ABLIM1: variants seen among roughly 807,000 people sequenced by gnomAD.
ABLIM1 encodes actin-binding LIM protein 1.
ABLIM1 carries 40 observed loss-of-function variants against 107.0 expected under a neutral mutation model. The observed-to-expected ratio is 0.37, with a 90% CI of 0.29 to 0.49. ABLIM1 has a LOEUF of 0.49. Among genes scored for constraint, ABLIM1 ranks in the 20% least tolerant of loss-of-function variants. ABLIM1 has a pLI of 0.97. For missense variants in ABLIM1, 857 were observed against 1,008.5 expected (o/e 0.85, Z 2.04); for synonymous variants, 357 against 357.3 (o/e 1.00, Z 0.01).
chr10:114,700,491 A>AACACACACAC (rs149691121), intron 1 of ABLIM1, among the ~76,000 whole-genome samples: 22 of 148,550 alleles, frequency 1.5e-4, no homozygotes, highest in African/African-American at 4.2e-4. Flanking sequence ...AAACAATTAA[A>AACACACACAC]ACACACACAC....
chr10:114,439,411 G>C (rs2059887160), intron 20 of ABLIM1, 161 bp from the exon 21 acceptor site: 2 of 762,770 alleles, frequency 2.6e-6, no homozygotes, highest in Non-Finnish European at 2.2e-6. Context: ...GATCCTTGCT[G>C]TATAGGAACA....
intron 6 of ABLIM1, among the ~76,000 whole-genome samples, chr10:114,529,798 G>A (rs1008514001): frequency 6.6e-5 from 10 of 152,078 alleles, no homozygotes; most frequent in African/African-American, 2.4e-4. Context: ...AGGCTGAGGC[G>A]GGTGGATCAC....
intron 6 of ABLIM1, among the ~76,000 whole-genome samples, chr10:114,510,659 T>A (rs28607375): frequency 7.9e-4 from 27 of 34,116 alleles, no homozygotes; most frequent in East Asian, 6.4e-3. Context: ...TTTTATTATT[T>A]TTTTTTTTGA....
chr10:114,753,430 T>C (rs1421781591), intron 1 of ABLIM1, among the ~76,000 whole-genome samples: 1 of 152,208 alleles, frequency 6.6e-6, no homozygotes, highest in African/African-American at 2.4e-5. Context: ...AGTGCAGCAT[T>C]GTCTATAAAA....
chr10:114,775,284 T>A, the ABLIM1 span, among the ~76,000 whole-genome samples: 1 of 152,114 alleles, frequency 6.6e-6, no homozygotes, highest in Admixed American at 6.5e-5. Context: ...GGGATTACAA[T>A]TCGAGATGAG....
At chr10:114,497,031 GAT>G (rs1416393187) in intron 6 of ABLIM1, among the ~76,000 whole-genome samples, 1 of 152,238 alleles carries the variant, frequency 6.6e-6, no homozygotes, top group African/African-American at 2.4e-5. Flanking sequence ...CCAAAAATCA[GAT>G]GTTGCTGAAT....
chr10:114,658,416 G>T, upstream of ABLIM1: 1 of 757,768 alleles, frequency 1.3e-6, no homozygotes, highest in Non-Finnish European at 1.8e-6. Context: ...GCCACTACCA[G>T]GAACTCGAGA....
intron 3 of ABLIM1, among the ~76,000 whole-genome samples, chr10:114,573,882 GTGCCACAGCCT>G (rs1249796422): frequency 6.6e-6 from 1 of 152,152 alleles, no homozygotes; most frequent in African/African-American, 2.4e-5. Context: ...ACCAGGCTGT[GTGCCACAGCCT>G]GAAAAGGGAA....
At chr10:114,470,762 T>G (rs528548312) in intron 10 of ABLIM1, among the ~76,000 whole-genome samples, 84 of 152,358 alleles carry the variant, frequency 5.5e-4, no homozygotes, top group African/African-American at 2.0e-3. Context: ...GTATTCTTGT[T>G]CTCTATCTTG....
At position 114,657,994 on chromosome 10, in the gene ABLIM1, G is replaced by A; in HGVS notation, c.207C>T (p.Cys69=). The part of the protein sequence containing the change: ...HLLYLCPKDY[C]PRGRVCNSVD... The stretch of plus-strand genomic sequence containing the variant: ...CGCTGTTACATACACGCCCACGTGG[G>A]CAGTAGTCCTTGGGACAGAGATACA... The change falls in exon 1 of 23, where the codon TGC becomes TGT. Residue 69 remains cysteine (C), a synonymous_variant. Transcript: ENST00000533213. 6.2e-7 allele frequency: 1 copy of A among 1,614,078 alleles called. No individual in the cohort carries two copies. The highest frequency in any genetic ancestry group is 8.5e-7 in the Non-Finnish European group (1 of 1,179,946).
At chr10:114,602,530 G>A (rs2076095595) in intron 1 of ABLIM1, among the ~76,000 whole-genome samples, 1 of 152,170 alleles carries the variant, frequency 6.6e-6, no homozygotes, top group Non-Finnish European at 1.5e-5. Context: ...TTACCAGAGG[G>A]TCATTCCCGA....
chr10:114,663,215 C>T (rs538098244), upstream of ABLIM1, among the ~76,000 whole-genome samples: 1 of 152,336 alleles, frequency 6.6e-6, no homozygotes, highest in South Asian at 2.1e-4. Context: ...TCAAACATTA[C>T]CTCCTCCATA....
intron 1 of ABLIM1, among the ~76,000 whole-genome samples, chr10:114,766,016 G>A (rs2082883703): frequency 6.6e-6 from 1 of 152,112 alleles, no homozygotes. Flanking sequence ...ATATTTGAAG[G>A]ACTAATAACA....
chr10:114,762,543 A>G (rs2082772256), intron 1 of ABLIM1, among the ~76,000 whole-genome samples: 1 of 152,138 alleles, frequency 6.6e-6, no homozygotes, highest in South Asian at 2.1e-4. Context: ...CCTTTATTGG[A>G]TTTTTCTCTC....
At chr10:114,781,225 C>T in the ABLIM1 span, among the ~76,000 whole-genome samples, 3 of 151,974 alleles carry the variant, frequency 2.0e-5, no homozygotes, top group East Asian at 1.9e-4. Flanking sequence ...TATAATGGGC[C>T]GGGTGCAGTG....
At chr10:114,748,346 A>G (rs898475288) in intron 1 of ABLIM1, among the ~76,000 whole-genome samples, 4 of 152,190 alleles carry the variant, frequency 2.6e-5, no homozygotes, top group African/African-American at 9.6e-5. Context: ...ATAATCTGCA[A>G]TCTATACAAA....
intron 4 of ABLIM1, among the ~76,000 whole-genome samples, chr10:114,570,749 C>G (rs2138755975): frequency 6.6e-6 from 1 of 152,150 alleles, no homozygotes. Flanking sequence ...GTTGGGACTA[C>G]AGACGTGCAC....
intron 6 of ABLIM1, among the ~76,000 whole-genome samples, chr10:114,501,350 G>C (rs1396448772): frequency 6.6e-6 from 1 of 152,124 alleles, no homozygotes; most frequent in African/African-American, 2.4e-5. Flanking sequence ...GTTTTCCCAG[G>C]CCTCAGGAGC....
intron 1 of ABLIM1, chr10:114,610,752 T>C (rs191632553): frequency 6.6e-5 from 10 of 152,210 alleles, no homozygotes; most frequent in Admixed American, 6.5e-4. Context: ...CATTTTCTTA[T>C]ACCATGTGAG....
Sources: gnomAD v4.1 joint callset for allele counts (sites outside exome capture counted in the v4.1 genomes callset) on GRCh38, gnomAD v4.1.1 for gene constraint, MANE v1.5 for transcripts, NCBI Gene and HGNC (gene_info 2026-07-23, HGNC 2026-07-21) for gene names.